Variants in ANKS1B observed in about 807,000 individuals in gnomAD.
ANKS1B encodes the protein ankyrin repeat and sterile alpha motif domain-containing protein 1B.
Under a neutral mutation model 148.3 loss-of-function variants are expected in ANKS1B, and 36 were observed. That is an observed-to-expected ratio of 0.24 (90% CI 0.19 to 0.32). The LOEUF is 0.32. Among genes scored for constraint, ANKS1B ranks in the 10% least tolerant of loss-of-function variants. The pLI, the probability that ANKS1B is intolerant of heterozygous loss-of-function variation, is 1.00. For synonymous variants in ANKS1B, 542 were observed against 560.8 expected (o/e 0.97, Z 0.47); for missense variants, 1,157 against 1,542.6 (o/e 0.75, Z 4.19).
At chr12:99,848,890 C>A (rs2087190761) in intron 1 of ANKS1B, among the ~76,000 whole-genome samples, 1 of 152,076 alleles carries the variant, frequency 6.6e-6, no homozygotes, top group South Asian at 2.1e-4. Context: ...ATGTCCTTTG[C>A]AACAATTTGG....
At chr12:99,487,525 C>G (rs2152955926) in intron 10 of ANKS1B, among the ~76,000 whole-genome samples, 1 of 151,942 alleles carries the variant, frequency 6.6e-6, no homozygotes, top group South Asian at 2.1e-4. Context: ...ACTTGATTAG[C>G]ATTGCCTATA....
chr12:98,940,671 T>C (rs1328921519), intron 17 of ANKS1B, among the ~76,000 whole-genome samples: 2 of 152,196 alleles, frequency 1.3e-5, no homozygotes, highest in Admixed American at 6.5e-5. Context: ...TGTATTCTTA[T>C]GCAGGAGGCC....
intron 12 of ANKS1B, among the ~76,000 whole-genome samples, chr12:99,393,951 A>C (rs1774409692): frequency 6.6e-6 from 1 of 152,112 alleles, no homozygotes; most frequent in East Asian, 1.9e-4. Flanking sequence ...GTAAAATTCA[A>C]CTCTCCAAAT....
intron 17 of ANKS1B, among the ~76,000 whole-genome samples, chr12:98,929,364 A>C (rs1047424760): frequency 6.6e-6 from 1 of 152,078 alleles, no homozygotes; most frequent in Non-Finnish European, 1.5e-5. Flanking sequence ...AAATTGATCT[A>C]CAGATTCAAT....
rs562822685 is a variant in ANKS1B at position 99,094,893 on chromosome 12, T to C, written c.2527-9870A>G. Among the ~76,000 whole-genome samples, 78 of 152,048 alleles carry C rather than the reference T, an allele frequency of 5.1e-4. 1 individual carries two copies. The highest frequency in any genetic ancestry group is 6.8e-4 in the Non-Finnish European group (46 of 68,018). On this transcript the variant is annotated intron_variant, in intron 15 of 26. Coordinates refer to ENST00000683438, the MANE Select transcript of ANKS1B (RefSeq NM_001352186.2). ...TATACTCTGGATTCGGTGTGGAGAATGGATGGAGAAATTGGGAGGTATGGA... is the reference window on the plus strand; with the variant it reads ...TATACTCTGGATTCGGTGTGGAGAACGGATGGAGAAATTGGGAGGTATGGA...
intron 13 of ANKS1B, 67 bp from the exon 14 acceptor site, chr12:99,244,481 G>C: frequency 9.0e-7 from 1 of 1,110,410 alleles, no homozygotes; most frequent in South Asian, 1.6e-5. Flanking sequence ...TTTAAAATAA[G>C]TTTCAAATGA....
At chr12:99,045,319 A>C (rs1333081687) in intron 17 of ANKS1B, among the ~76,000 whole-genome samples, 1 of 152,202 alleles carries the variant, frequency 6.6e-6, no homozygotes, top group African/African-American at 2.4e-5. Flanking sequence ...CATGGCTAGA[A>C]ATAGCTGTGT....
intron 17 of ANKS1B, among the ~76,000 whole-genome samples, chr12:98,947,740 ACCGTTCTGT>A (rs773328577): frequency 2.6e-5 from 4 of 152,148 alleles, no homozygotes; most frequent in Non-Finnish European, 1.5e-5. Flanking sequence ...CGAAGTGATG[ACCGTTCTGT>A]CCTCTGCAGC....
chr12:99,282,758 C>T (rs1602390910), intron 12 of ANKS1B, among the ~76,000 whole-genome samples: 2 of 152,184 alleles, frequency 1.3e-5, no homozygotes, highest in Middle Eastern at 6.8e-3. Context: ...CATGGGGAAA[C>T]CTGAACAAGG....
At chr12:98,906,524 G>A (rs954667021) in intron 17 of ANKS1B, among the ~76,000 whole-genome samples, 10 of 152,210 alleles carry the variant, frequency 6.6e-5, no homozygotes, top group South Asian at 4.1e-4. Flanking sequence ...GGAGGAGTCC[G>A]TGTCTCTGCC....
intron 12 of ANKS1B, among the ~76,000 whole-genome samples, chr12:99,271,667 T>TATA (rs1555364761): frequency 1.5e-5 from 2 of 132,062 alleles, no homozygotes; most frequent in Non-Finnish European, 3.1e-5. Context: ...ATAAACTATA[T>TATA]ATATATATAT....
At chr12:99,255,857 T>C (rs78312267) in intron 12 of ANKS1B, among the ~76,000 whole-genome samples, 2,783 of 152,292 alleles carry the variant, frequency 0.018, 86 homozygotes, top group African/African-American at 0.063. Context: ...ATGTTGAAAC[T>C]TGCTTATAGT....
At chr12:98,741,462 C>T (rs780408542), downstream of ANKS1B, among the ~76,000 whole-genome samples, 2 of 152,180 alleles carry the variant, frequency 1.3e-5, no homozygotes, top group Admixed American at 6.5e-5. Context: ...CAAAACCCAA[C>T]GATTTTGCGT....
chr12:99,766,088 T>A lies in ANKS1B; in HGVS notation c.1128+6834A>T, dbSNP rs529996380. Among the ~76,000 whole-genome samples, 5 of 152,324 alleles carry A rather than the reference T, an allele frequency of 3.3e-5. No individual in the cohort carries two copies. The South Asian group carries it at 1.0e-3, about 32-fold the overall frequency. On this transcript the variant is annotated intron_variant, in intron 8 of 26. Transcript: ENST00000683438. Reference sequence around the variant, plus strand: ...TTGGTCTCTGGAATTCATCTCCAAATAATTAAATGCATTTTGCAATGATAA... The same window carrying A: ...TTGGTCTCTGGAATTCATCTCCAAAAAATTAAATGCATTTTGCAATGATAA...
intron 17 of ANKS1B, among the ~76,000 whole-genome samples, chr12:99,010,705 A>T (rs1473152020): frequency 1.3e-5 from 2 of 151,780 alleles, no homozygotes; most frequent in East Asian, 3.9e-4. Context: ...ATATAAACAA[A>T]TGGTACAGGC....
At chr12:99,012,946 C>A (rs1028487611) in intron 17 of ANKS1B, among the ~76,000 whole-genome samples, 13 of 152,162 alleles carry the variant, frequency 8.5e-5, no homozygotes, top group African/African-American at 3.1e-4. Flanking sequence ...TTAATGAATT[C>A]TTCTGGTAGA....
intron 16 of ANKS1B, among the ~76,000 whole-genome samples, chr12:99,069,140 G>A (rs183813705): frequency 6.6e-6 from 1 of 152,306 alleles, no homozygotes; most frequent in East Asian, 1.9e-4. Flanking sequence ...GCTAATGAAT[G>A]TCTGTGCATG....
At chr12:99,966,157 T>C (rs1261943867) in intron 1 of ANKS1B, among the ~76,000 whole-genome samples, 1 of 152,160 alleles carries the variant, frequency 6.6e-6, no homozygotes, top group African/African-American at 2.4e-5. Flanking sequence ...ATTGGGACAG[T>C]TGGCAAAACT....
intron 12 of ANKS1B, among the ~76,000 whole-genome samples, chr12:99,304,270 A>G (rs1226477526): frequency 6.6e-6 from 1 of 152,140 alleles, no homozygotes; most frequent in East Asian, 1.9e-4. Context: ...ATCCATGCCA[A>G]CATCTATTAT....
Sources: gnomAD v4.1 joint callset for allele counts (sites outside exome capture counted in the v4.1 genomes callset) on GRCh38, gnomAD v4.1.1 for gene constraint, MANE v1.5 for transcripts, NCBI Gene and HGNC (gene_info 2026-07-23, HGNC 2026-07-21) for gene names.